Variants in CNTN4 observed in about 807,000 individuals in gnomAD.
The protein encoded by CNTN4 is contactin 4.
A neutral mutation model predicts 122.5 loss-of-function variants in CNTN4; 77 were observed. The ratio of observed to expected loss-of-function variants is 0.63; its 90% confidence interval spans 0.52 to 0.76. The LOEUF (loss-of-function observed/expected upper bound fraction) is 0.76. Among genes scored for constraint, CNTN4 ranks in the 30% least tolerant of loss-of-function variants. The probability of loss-of-function intolerance (pLI) is 0.00; values close to 1 mark genes in which losing one functional copy is unlikely to be tolerated. For missense variants in CNTN4, 1,256 were observed against 1,259.1 expected, an observed-to-expected ratio of 1.00 and a Z score of 0.04; for synonymous variants, 512 against 447.0, an observed-to-expected ratio of 1.15 and a Z score of -1.83.
intron 6 of CNTN4, among the ~76,000 whole-genome samples, chr3:2,770,418 AACC>A (rs1017244080): frequency 6.6e-5 from 10 of 152,278 alleles, no homozygotes; most frequent in African/African-American, 1.9e-4. Context: ...TGCACACACA[AACC>A]TTCCCTGGTG....
intron 2 of CNTN4, among the ~76,000 whole-genome samples, chr3:2,159,958 A>G (rs1048647771): frequency 6.6e-6 from 1 of 150,922 alleles, no homozygotes; most frequent in African/African-American, 2.4e-5. Context: ...TTTTCTTGTT[A>G]TTGGACTCCA....
chr3:2,354,129 C>G (rs1027226893), intron 3 of CNTN4, among the ~76,000 whole-genome samples: 5 of 152,288 alleles, frequency 3.3e-5, no homozygotes, highest in African/African-American at 1.2e-4. Context: ...CATAAGCTTC[C>G]CAATATCTCA....
At chr3:3,026,009 G>A in intron 14 of CNTN4, 93 bp from the exon 15 acceptor site, 2 of 1,216,210 alleles carry the variant, frequency 1.6e-6, no homozygotes, top group Non-Finnish European at 2.4e-6. Context: ...AAATTACTTA[G>A]TATTTCATCC....
chr3:2,133,004 A>G (rs370949919), intron 2 of CNTN4, among the ~76,000 whole-genome samples: 2 of 152,182 alleles, frequency 1.3e-5, no homozygotes, highest in African/African-American at 4.8e-5. Flanking sequence ...AAACAAGACA[A>G]TGAAACAAAG....
Position 2,571,712 on chromosome 3 carries a change from T to C in CNTN4, c.55+154T>C, listed in dbSNP as rs2079428110. Among the ~76,000 whole-genome samples the C allele has an allele frequency of 2.6e-5, 4 of 152,228 alleles. No homozygotes were observed. The South Asian group carries it at 8.3e-4, about 32-fold the overall frequency. On this transcript the variant is annotated intron_variant, in intron 4 of 24. Transcript: ENST00000418658. ...GCTGACACTGTTGAATATACCTTCC[T>C]GATGGTCTTTTAGTGACTCTTTTCA...
At chr3:2,654,096 C>G (rs1282996684) in intron 4 of CNTN4, among the ~76,000 whole-genome samples, 2 of 152,320 alleles carry the variant, frequency 1.3e-5, no homozygotes, top group Non-Finnish European at 1.5e-5. Context: ...CCATGCTTTG[C>G]TTTTTGAAAG....
intron 4 of CNTN4, among the ~76,000 whole-genome samples, chr3:2,672,818 A>G (rs2084611401): frequency 6.6e-6 from 1 of 152,180 alleles, no homozygotes; most frequent in African/African-American, 2.4e-5. Flanking sequence ...AAATTCATTA[A>G]CTAGTTTAGT....
At chr3:2,375,015 T>G (rs921360443) in intron 3 of CNTN4, among the ~76,000 whole-genome samples, 1 of 152,214 alleles carries the variant, frequency 6.6e-6, no homozygotes, top group Non-Finnish European at 1.5e-5. Flanking sequence ...TGTGTCATAC[T>G]CTTCAAAAAA....
chr3:2,796,278 T>C (rs2092177958), intron 6 of CNTN4, among the ~76,000 whole-genome samples: 1 of 152,140 alleles, frequency 6.6e-6, no homozygotes, highest in Non-Finnish European at 1.5e-5. Flanking sequence ...TAGTGGGAGA[T>C]GTTTCTTAAA....
chr3:2,558,322 C>T (rs1378028177), intron 3 of CNTN4, among the ~76,000 whole-genome samples: 4 of 152,178 alleles, frequency 2.6e-5, no homozygotes, highest in African/African-American at 9.7e-5. Context: ...CTGCAATCCA[C>T]AATCTTGCAT....
At chr3:2,885,144 G>A (rs1489709794) in intron 9 of CNTN4, among the ~76,000 whole-genome samples, 1 of 152,168 alleles carries the variant, frequency 6.6e-6, no homozygotes, top group Non-Finnish European at 1.5e-5. Flanking sequence ...AGATTAGCAA[G>A]TCTTTAGTCT....
chr3:2,789,068 A>G (rs1480381276), intron 6 of CNTN4, among the ~76,000 whole-genome samples: 2 of 151,950 alleles, frequency 1.3e-5, no homozygotes, highest in Non-Finnish European at 2.9e-5. Context: ...AATCAGGTGG[A>G]TCTTTACCAT....
chr3:2,731,885 C>T (rs2088712549), intron 4 of CNTN4, among the ~76,000 whole-genome samples: 3 of 152,210 alleles, frequency 2.0e-5, no homozygotes, highest in Admixed American at 6.5e-5. Context: ...AGGATGCCTG[C>T]TCTTTGTCAA....
chr3:3,001,678 C>G (rs1413568038), intron 14 of CNTN4, among the ~76,000 whole-genome samples: 1 of 152,080 alleles, frequency 6.6e-6, no homozygotes, highest in Non-Finnish European at 1.5e-5. Context: ...GCATTTGACA[C>G]GCAGTATTAA....
At chr3:2,584,912 G>A (rs979846062) in intron 4 of CNTN4, among the ~76,000 whole-genome samples, 1 of 151,360 alleles carries the variant, frequency 6.6e-6, no homozygotes, top group Non-Finnish European at 1.5e-5. Flanking sequence ...TAGGTAGGTA[G>A]GTAGGTAGAT....
intron 7 of CNTN4, among the ~76,000 whole-genome samples, chr3:2,850,988 T>C (rs1447500229): frequency 2.0e-5 from 3 of 152,178 alleles, no homozygotes; most frequent in Non-Finnish European, 4.4e-5. Context: ...ATAAGCTGTA[T>C]CAATTATTGA....
At position 3,037,361 on chromosome 3, in the gene CNTN4, C is replaced by T. The variant is rs367603378; in HGVS notation, c.2092+33C>T. The T allele has an allele frequency of 7.4e-6, 12 of 1,613,826 alleles. No individual in the cohort carries two copies. The African/African-American group carries it at 1.5e-4, about 20-fold the overall frequency. ...GCACCCGAGATTCAGATCATCTGTT[C>T]TGCCAGCTGCTGTTCCTTAGGAAAA... On this transcript the variant is annotated intron_variant, in intron 18 of 24. Coordinates refer to ENST00000418658, the MANE Select transcript of CNTN4 (RefSeq NM_175607.3).
chr3:2,165,616 A>G lies in CNTN4; in HGVS notation c.-145+64977A>G, dbSNP rs558683957. 3.3e-4 allele frequency among the ~76,000 whole-genome samples: 50 copies of G among 152,278 alleles called. 1 individual carries two copies. In the South Asian group the frequency reaches 6.2e-3, roughly 19 times the overall value. ...ATATTCACCATGCTGTACATTAGGTATCCAGAAATCATTCATTCATTAGGT... is the reference window on the plus strand; with the variant it reads ...ATATTCACCATGCTGTACATTAGGTGTCCAGAAATCATTCATTCATTAGGT... On this transcript the variant is annotated intron_variant, in intron 2 of 24. Transcript: ENST00000418658.
At chr3:2,909,416 G>A (rs1407061170) in intron 12 of CNTN4, among the ~76,000 whole-genome samples, 3 of 151,654 alleles carry the variant, frequency 2.0e-5, no homozygotes, top group Non-Finnish European at 4.4e-5. Context: ...AATATAAGAA[G>A]GTTTGGGCTT....
Sources: gnomAD v4.1 joint callset for allele counts (sites outside exome capture counted in the v4.1 genomes callset) on GRCh38, gnomAD v4.1.1 for gene constraint, MANE v1.5 for transcripts, NCBI Gene and HGNC (gene_info 2026-07-23, HGNC 2026-07-21) for gene names.